RGS6: variants seen among roughly 807,000 people sequenced by gnomAD.
The protein encoded by RGS6 is regulator of G protein signaling 6.
RGS6 carries 30 observed loss-of-function variants against 78.5 expected under a neutral mutation model. The ratio of observed to expected loss-of-function variants is 0.38; its 90% CI spans 0.29 to 0.52. The LOEUF (loss-of-function observed/expected upper bound fraction) is 0.52. RGS6 is among the 20% of genes least tolerant of loss of function. RGS6 has a pLI of 0.85. For synonymous variants in RGS6, 206 were observed against 206.0 expected, an observed-to-expected ratio of 1.00 and a Z score of 0.00; for missense variants, 495 against 609.7, an observed-to-expected ratio of 0.81 and a Z score of 1.98.
In RGS6 at chr14:71,946,910, C is replaced by G. The variant is rs367611424; in HGVS notation, c.-21+13969C>G. On this transcript the variant is annotated intron_variant, in intron 1 of 17. Coordinates refer to ENST00000553525, the MANE Select transcript of RGS6 (RefSeq NM_001204424.2). ...AGGGGAAACCTAGGTTTAAGCAAAA[C>G]TGTTCAATAAGTATTTGTCATATTT... is the stretch of plus-strand genomic sequence containing the variant. Among the ~76,000 whole-genome samples, 32 of 152,238 alleles carry G rather than the reference C, an allele frequency of 2.1e-4. 1 individual carries two copies. Among genetic ancestry groups the G allele is most frequent in the African/African-American group, 6.7e-4 (28 of 41,544 alleles).
At chr14:72,219,960 T>C (rs1197594129) in intron 2 of RGS6, among the ~76,000 whole-genome samples, 10 of 147,784 alleles carry the variant, frequency 6.8e-5, no homozygotes, top group Non-Finnish European at 1.5e-4. Flanking sequence ...TGTTTGCAGA[T>C]AGTACGATTC....
intron 2 of RGS6, among the ~76,000 whole-genome samples, chr14:72,201,740 A>C (rs1272130991): frequency 6.6e-6 from 1 of 152,164 alleles, no homozygotes; most frequent in Non-Finnish European, 1.5e-5. Flanking sequence ...GTCAAGTTAC[A>C]CCTGCCACCT....
At position 72,472,756 on chromosome 14, in the gene RGS6, A is replaced by G. The variant is rs2096119802; in HGVS notation, c.537-116A>G. On this transcript the variant is annotated intron_variant, in intron 8 of 17. Coordinates refer to ENST00000553525, the MANE Select transcript of RGS6 (RefSeq NM_001204424.2). ...TGCAGAGAGCAGGCACCATGCAGGT[A>G]CCAATGGCCTTGTGTTCACTTAGCC... 17 of 707,590 alleles carry G rather than the reference A, an allele frequency of 2.4e-5. No individual in the cohort carries two copies. The South Asian group carries it at 3.0e-4, about 12-fold the overall frequency. 43.8% of individuals were successfully genotyped at this position (707,590 alleles called of 1,614,324 possible).
In RGS6 at chr14:72,524,137, C is replaced by T. The variant is rs374324340; in HGVS notation, c.1278+5600C>T. On this transcript the variant is annotated intron_variant, in intron 15 of 17. Transcript: ENST00000553525. ...ATGACTTTAGTACTCTCTGGGGTTT[C>T]GTAATTCTAAGCTGGATCCAAAAGA... 9.2e-5 allele frequency among the ~76,000 whole-genome samples: 14 copies of T among 152,274 alleles called. 1 individual carries two copies. Among genetic ancestry groups the T allele is most frequent in the African/African-American group, 3.1e-4 (13 of 41,578 alleles).
intron 2 of RGS6, among the ~76,000 whole-genome samples, chr14:72,017,085 T>C (rs1051261914): frequency 2.0e-5 from 3 of 152,152 alleles, no homozygotes; most frequent in African/African-American, 7.2e-5. Flanking sequence ...CAGGCTGGAG[T>C]GCAGTGGTAC....
intron 2 of RGS6, among the ~76,000 whole-genome samples, chr14:71,974,250 A>T (rs2093986651): frequency 6.6e-6 from 1 of 152,216 alleles, no homozygotes; most frequent in Non-Finnish European, 1.5e-5. Context: ...AATACATTTT[A>T]AAATAATTGG....
At chr14:71,948,735 TC>T (rs2091902209) in intron 1 of RGS6, among the ~76,000 whole-genome samples, 1 of 59,786 alleles carries the variant, frequency 1.7e-5, no homozygotes, top group Admixed American at 1.5e-4. Flanking sequence ...TTTCTCTCTC[TC>T]TCTCTTTTTT....
intron 15 of RGS6, among the ~76,000 whole-genome samples, chr14:72,533,313 G>A (rs781555113): frequency 2.0e-5 from 3 of 152,146 alleles, no homozygotes; most frequent in African/African-American, 7.2e-5. Context: ...ACCTACTGTT[G>A]AGGAAAAAAA....
At chr14:72,094,801 TG>T (rs1419215790) in intron 2 of RGS6, among the ~76,000 whole-genome samples, 3 of 152,194 alleles carry the variant, frequency 2.0e-5, no homozygotes, top group African/African-American at 7.2e-5. Flanking sequence ...TGGGGTTTTG[TG>T]GGTGATTAAA....
chr14:71,923,652 A>G, the RGS6 span, among the ~76,000 whole-genome samples: 1 of 152,198 alleles, frequency 6.6e-6, no homozygotes, highest in African/African-American at 2.4e-5. Context: ...AGTGAATCTA[A>G]AAAGACATCA....
chr14:72,250,291 C>T (rs1283419734), intron 2 of RGS6, among the ~76,000 whole-genome samples: 2 of 150,942 alleles, frequency 1.3e-5, no homozygotes, highest in Non-Finnish European at 2.9e-5. Context: ...GTTGCACTCT[C>T]CTACAAATTC....
At chr14:72,493,499 T>G (rs1226735049) in intron 12 of RGS6, among the ~76,000 whole-genome samples, 1 of 84,122 alleles carries the variant, frequency 1.2e-5, no homozygotes, top group Non-Finnish European at 2.2e-5. Flanking sequence ...AATATTGAAC[T>G]GGAAAAAAAA....
rs1422999557 is a variant in RGS6, at chr14:72,565,076, A to G, written c.*2609A>G. Reference sequence around the variant, plus strand: ...CCCGTCCCCCATTGGCCTGGTCTACACAGCCAAAAATTCAGACTAGATTAG... The same window carrying G: ...CCCGTCCCCCATTGGCCTGGTCTACGCAGCCAAAAATTCAGACTAGATTAG... On this transcript the variant is annotated 3_prime_UTR_variant, in exon 18 of 18. Transcript: ENST00000553525. 1 of 152,240 alleles carries G rather than the reference A, an allele frequency of 6.6e-6. No individual in the cohort carries two copies. The highest frequency in any genetic ancestry group is 1.5e-5 in the Non-Finnish European group (1 of 68,060). 9.4% of individuals were successfully genotyped at this position (152,240 alleles called of 1,614,324 possible).
the RGS6 span, among the ~76,000 whole-genome samples, chr14:71,873,861 G>C: frequency 1.3e-5 from 2 of 152,102 alleles, no homozygotes; most frequent in Admixed American, 6.6e-5. Flanking sequence ...TCTACATATG[G>C]CTAGCCAGTT....
chr14:72,299,465 A>G (rs555366695), intron 2 of RGS6, among the ~76,000 whole-genome samples: 167 of 152,376 alleles, frequency 1.1e-3, no homozygotes, highest in African/African-American at 3.9e-3. Flanking sequence ...TTGTGTGAAC[A>G]CACATTTTTA....
the RGS6 span, among the ~76,000 whole-genome samples, chr14:71,881,648 C>T: frequency 8.5e-5 from 13 of 152,134 alleles, no homozygotes; most frequent in Non-Finnish European, 1.6e-4. Context: ...TGAGGCCTCC[C>T]TAGCCATGTG....
Position 72,510,201 on chromosome 14 carries a change from A to G in RGS6, c.1013A>G (p.Asp338Gly), listed in dbSNP as rs772230958. ...GTAAAAAGATGGGGCTTCTCTTTCG[A>G]TGAGATATTGAAGGACCAGGTGGGG... ...QRVKRWGFSFDEILKDQVGRD... is the reference protein window; with the variant it reads ...QRVKRWGFSFGEILKDQVGRD... The change falls in exon 14 of 18, where the codon GAT (aspartate) becomes GGT (glycine). Residue 338 changes from aspartate to glycine, a missense_variant. Transcript: ENST00000553525. 6.2e-7 allele frequency: 1 copy of G among 1,613,542 alleles called. No homozygotes were observed. The highest frequency in any genetic ancestry group is 8.5e-7 in the Non-Finnish European group (1 of 1,179,878).
chr14:72,465,337 C>T (rs956465683), intron 6 of RGS6, among the ~76,000 whole-genome samples: 1 of 152,002 alleles, frequency 6.6e-6, no homozygotes, highest in Non-Finnish European at 1.5e-5. Flanking sequence ...CAGGGTGAAG[C>T]AGAGTGAGGA....
chr14:72,550,535 A>T (rs538392603), intron 17 of RGS6: 1 of 1,535,634 alleles, frequency 6.5e-7, no homozygotes, highest in East Asian at 2.4e-5. Context: ...GAGATGGAGC[A>T]TCCAAGACAA....
Sources: gnomAD v4.1 joint callset for allele counts (sites outside exome capture counted in the v4.1 genomes callset) on GRCh38, gnomAD v4.1.1 for gene constraint, MANE v1.5 for transcripts, NCBI Gene and HGNC (gene_info 2026-07-23, HGNC 2026-07-21) for gene names.